STK32A: variants seen among roughly 807,000 people sequenced by gnomAD.
STK32A encodes the protein serine/threonine kinase 32A.
In STK32A, 41 loss-of-function variants were observed where a neutral mutation model predicts 53.2. The ratio of observed to expected loss-of-function variants is 0.77; its 90% confidence interval spans 0.60 to 1.00. The LOEUF (loss-of-function observed/expected upper bound fraction) is 1.00. Ranked by LOEUF, STK32A falls within the 50% of genes least tolerant of loss-of-function variation. The pLI is 0.00. For synonymous variants in STK32A, 166 were observed against 162.8 expected (o/e 1.02, Z -0.15); for missense variants, 458 against 485.8 (o/e 0.94, Z 0.54).
intron 2 of STK32A, among the ~76,000 whole-genome samples, chr5:147,241,966 C>T (rs1753598904): frequency 6.6e-6 from 1 of 152,146 alleles, no homozygotes; most frequent in Admixed American, 6.5e-5. Context: ...TTCAGCCAGG[C>T]TTTGTTCTTG....
At chr5:147,262,827 G>T (rs1483628124) in intron 2 of STK32A, among the ~76,000 whole-genome samples, 1 of 152,232 alleles carries the variant, frequency 6.6e-6, no homozygotes, top group East Asian at 1.9e-4. Flanking sequence ...CTTCTAGAAG[G>T]GGAAGGTGAG....
At chr5:147,326,060 C>G (rs1292862801) in intron 5 of STK32A, among the ~76,000 whole-genome samples, 1 of 152,120 alleles carries the variant, frequency 6.6e-6, no homozygotes, top group East Asian at 1.9e-4. Context: ...AGCATTTTCT[C>G]CATGTACTTA....
chr5:147,376,317 C>T (rs2152005884), intron 11 of STK32A, among the ~76,000 whole-genome samples: 2 of 152,186 alleles, frequency 1.3e-5, no homozygotes, highest in Middle Eastern at 3.4e-3. Flanking sequence ...GCTGCTAACC[C>T]GTCTTGCATA....
intron 7 of STK32A, among the ~76,000 whole-genome samples, chr5:147,354,915 A>C (rs1236738553): frequency 6.6e-6 from 1 of 152,222 alleles, no homozygotes; most frequent in Non-Finnish European, 1.5e-5. Context: ...CAAAATGATT[A>C]TGTGATTGCC....
chr5:147,330,423 T>C (rs150137530), intron 5 of STK32A, among the ~76,000 whole-genome samples: 100 of 152,322 alleles, frequency 6.6e-4, no homozygotes, highest in Admixed American at 3.1e-3. Context: ...TGCCATGTAA[T>C]GTCGGTTAGA....
chr5:147,397,945 C>T, the STK32A span: 2 of 1,247,790 alleles, frequency 1.6e-6, no homozygotes, highest in Non-Finnish European at 2.1e-6. Context: ...GCTGATTCAC[C>T]AGGTAAGCCA....
chr5:147,276,021 G>T (rs966582768), intron 2 of STK32A, among the ~76,000 whole-genome samples: 6 of 152,278 alleles, frequency 3.9e-5, no homozygotes, highest in African/African-American at 1.2e-4. Flanking sequence ...ACTGGCAGTG[G>T]AGAAATCACT....
At chr5:147,295,964 A>G (rs1752847287) in intron 4 of STK32A, among the ~76,000 whole-genome samples, 1 of 152,254 alleles carries the variant, frequency 6.6e-6, no homozygotes, top group Non-Finnish European at 1.5e-5. Context: ...AAGTAAAGGT[A>G]GGACTTGTAT....
At chr5:147,323,213 C>T (rs1754403792) in intron 4 of STK32A, among the ~76,000 whole-genome samples, 1 of 152,168 alleles carries the variant, frequency 6.6e-6, no homozygotes, top group Non-Finnish European at 1.5e-5. Context: ...TGTGTCAGAG[C>T]CCACAAAGTC....
intron 2 of STK32A, among the ~76,000 whole-genome samples, chr5:147,242,767 AT>A (rs1321406886): frequency 6.6e-6 from 1 of 152,212 alleles, no homozygotes; most frequent in African/African-American, 2.4e-5. Context: ...TCAAAAGATG[AT>A]TGATTTGAGG....
chr5:147,393,973 T>C, the STK32A span: 5 of 1,523,862 alleles, frequency 3.3e-6, no homozygotes, highest in Non-Finnish European at 4.5e-6. Context: ...AATATCGGTG[T>C]ACCATTTTGG....
chr5:147,290,074 A>C (rs1024251301), intron 4 of STK32A, among the ~76,000 whole-genome samples: 1 of 152,196 alleles, frequency 6.6e-6, no homozygotes, highest in Non-Finnish European at 1.5e-5. Context: ...TATTGGTTAA[A>C]TCTGGCAATC....
intron 2 of STK32A, among the ~76,000 whole-genome samples, chr5:147,252,148 C>T (rs1025061187): frequency 1.3e-5 from 2 of 152,024 alleles, no homozygotes; most frequent in African/African-American, 2.4e-5. Flanking sequence ...CCCTGTCTCA[C>T]CAAAAACAAA....
chr5:147,264,158 A>G (rs1581010625), intron 2 of STK32A, among the ~76,000 whole-genome samples: 1 of 152,362 alleles, frequency 6.6e-6, no homozygotes, highest in Admixed American at 6.5e-5. Context: ...TATATCTCCC[A>G]TGCAATCCTT....
chr5:147,399,060 C>T, the STK32A span: 62 of 1,612,044 alleles, frequency 3.8e-5, no homozygotes, highest in Non-Finnish European at 4.9e-5. Flanking sequence ...TTCTACTCCA[C>T]TCCCACCAGA....
chr5:147,299,869 C>T (rs1316884315), intron 4 of STK32A, among the ~76,000 whole-genome samples: 2 of 152,160 alleles, frequency 1.3e-5, no homozygotes, highest in Non-Finnish European at 2.9e-5. Flanking sequence ...TGATAATGAG[C>T]CAGGCAGCTA....
intron 5 of STK32A, among the ~76,000 whole-genome samples, chr5:147,331,629 C>T (rs1429050532): frequency 1.3e-5 from 2 of 152,200 alleles, no homozygotes; most frequent in Non-Finnish European, 2.9e-5. Flanking sequence ...CTCAGACTGT[C>T]ATCTTTTTTG....
chr5:147,390,322 A>T (rs928393968), downstream of STK32A, among the ~76,000 whole-genome samples: 4 of 152,156 alleles, frequency 2.6e-5, no homozygotes, highest in African/African-American at 9.7e-5. Context: ...ATAGCAAATA[A>T]TGCTTCCGTA....
At chr5:147,264,627 G>C (rs749520344) in intron 2 of STK32A, among the ~76,000 whole-genome samples, 6 of 152,196 alleles carry the variant, frequency 3.9e-5, no homozygotes, top group Non-Finnish European at 7.3e-5. Flanking sequence ...TATTATGCCA[G>C]ATGTATTAGA....
Sources: gnomAD v4.1 joint callset for allele counts (sites outside exome capture counted in the v4.1 genomes callset) on GRCh38, gnomAD v4.1.1 for gene constraint, MANE v1.5 for transcripts, NCBI Gene and HGNC (gene_info 2026-07-23, HGNC 2026-07-21) for gene names.